SPAG16: variants seen among roughly 807,000 people sequenced by gnomAD.
The protein encoded by SPAG16 is sperm-associated antigen 16 protein.
Under a neutral mutation model 80.4 loss-of-function variants are expected in SPAG16, and 86 were observed. The ratio of observed to expected loss-of-function variants is 1.07; its 90% CI spans 0.90 to 1.28. The LOEUF is 1.28. SPAG16 is among the 50% of genes most tolerant of loss of function. The pLI is 0.00. For missense variants in SPAG16, 870 were observed against 765.3 expected (o/e 1.14, Z -1.61); for synonymous variants, 294 against 265.9 (o/e 1.11, Z -1.03).
intron 10 of SPAG16, among the ~76,000 whole-genome samples, chr2:213,834,362 G>A (rs2073964365): frequency 1.3e-5 from 2 of 152,176 alleles, no homozygotes; most frequent in African/African-American, 4.8e-5. Flanking sequence ...GGAAAATGGT[G>A]TGTTTTTATG....
chr2:214,118,196 A>G (rs2054036722), intron 14 of SPAG16, among the ~76,000 whole-genome samples: 1 of 152,208 alleles, frequency 6.6e-6, no homozygotes, highest in Admixed American at 6.5e-5. Context: ...TCTATATGCA[A>G]TAGCAAACTC....
At chr2:214,370,526 A>G (rs1052930410) in intron 15 of SPAG16, among the ~76,000 whole-genome samples, 4 of 152,198 alleles carry the variant, frequency 2.6e-5, no homozygotes, top group African/African-American at 9.6e-5. Flanking sequence ...TATTACCACA[A>G]TCAAATTAGT....
intron 12 of SPAG16, among the ~76,000 whole-genome samples, chr2:214,012,278 ATATATATATATT>A (rs1168630398): frequency 8.9e-5 from 4 of 45,086 alleles, no homozygotes; most frequent in Non-Finnish European, 1.6e-4. Flanking sequence ...ATATATATAT[ATATATATATATT>A]TTTTTTTTTT....
At chr2:213,657,109 T>C (rs1393540362) in intron 10 of SPAG16, among the ~76,000 whole-genome samples, 2 of 152,304 alleles carry the variant, frequency 1.3e-5, no homozygotes, top group South Asian at 2.1e-4. Context: ...TTTGCTGGTC[T>C]TTTCATTTTT....
chr2:213,474,497 A>ATT (rs748412203), intron 9 of SPAG16, among the ~76,000 whole-genome samples: 1 of 152,150 alleles, frequency 6.6e-6, no homozygotes, highest in Non-Finnish European at 1.5e-5. Context: ...GGTCAAAGGT[A>ATT]TTATATATAT....
chr2:214,186,884 C>A (rs916796692), intron 15 of SPAG16, among the ~76,000 whole-genome samples: 18 of 152,102 alleles, frequency 1.2e-4, no homozygotes, highest in Non-Finnish European at 2.4e-4. Context: ...CTCAGCCTCC[C>A]AAGTAGCTGG....
chr2:214,115,165 T>C (rs2053870574), intron 14 of SPAG16, among the ~76,000 whole-genome samples: 1 of 152,236 alleles, frequency 6.6e-6, no homozygotes, highest in Non-Finnish European at 1.5e-5. Flanking sequence ...TTAATTGTTT[T>C]AACAATTATG....
At position 213,346,150 on chromosome 2, in the gene SPAG16, ATG is replaced by A. The variant is rs534395816; in HGVS notation, c.645-4377_645-4376del. ...TTTATTCTCTTTGAAGCAATTGTGA[ATG>A]GGAGTTCACTCATGATTTGGCTCTC... On this transcript the variant is annotated intron_variant, in intron 6 of 15. Coordinates refer to ENST00000331683, the MANE Select transcript of SPAG16 (RefSeq NM_024532.5). 5.3e-5 allele frequency among the ~76,000 whole-genome samples: 8 copies of A among 152,224 alleles called. No homozygotes were observed. In the South Asian group the frequency reaches 1.7e-3, roughly 32 times the overall value.
At chr2:214,307,966 T>C (rs2125971252) in intron 15 of SPAG16, among the ~76,000 whole-genome samples, 1 of 152,316 alleles carries the variant, frequency 6.6e-6, no homozygotes, top group South Asian at 2.1e-4. Context: ...CTCAATTATC[T>C]GTCTAATATC....
At chr2:213,673,483 A>G (rs541552462) in intron 10 of SPAG16, among the ~76,000 whole-genome samples, 1 of 152,190 alleles carries the variant, frequency 6.6e-6, no homozygotes, top group Non-Finnish European at 1.5e-5. Context: ...GACTAGAAGC[A>G]ATCATGGCAC....
rs1361088104 is a variant in SPAG16 at position 213,767,196 on chromosome 2, T to C, written c.1071-95289T>C. On this transcript the variant is annotated intron_variant, in intron 10 of 15. Coordinates refer to ENST00000331683, the MANE Select transcript of SPAG16 (RefSeq NM_024532.5). ...TTGTTGGGCTTGTCTTTACCATCAA[T>C]GATTTAAGTTGTCTTAACACGCATT... 3.9e-5 allele frequency among the ~76,000 whole-genome samples: 6 copies of C among 152,354 alleles called. No individual in the cohort carries two copies. The East Asian group carries it at 9.6e-4, about 24-fold the overall frequency.
chr2:213,605,553 G>T (rs375899540), intron 10 of SPAG16, among the ~76,000 whole-genome samples: 1 of 151,960 alleles, frequency 6.6e-6, no homozygotes, highest in Non-Finnish European at 1.5e-5. Context: ...GCAATGGCCC[G>T]GTCTCGGCTC....
intron 15 of SPAG16, among the ~76,000 whole-genome samples, chr2:214,171,436 T>C (rs1274891595): frequency 6.6e-6 from 1 of 151,980 alleles, no homozygotes; most frequent in East Asian, 1.9e-4. Context: ...CTTGTACAGA[T>C]GCTAGCATAT....
At chr2:214,233,134 G>C (rs2125805936) in intron 15 of SPAG16, among the ~76,000 whole-genome samples, 1 of 152,060 alleles carries the variant, frequency 6.6e-6, no homozygotes, top group East Asian at 1.9e-4. Context: ...AAAAAAGGGG[G>C]GGCCATAAGT....
intron 10 of SPAG16, among the ~76,000 whole-genome samples, chr2:213,580,700 C>T (rs1470142060): frequency 6.6e-6 from 1 of 152,094 alleles, no homozygotes; most frequent in Non-Finnish European, 1.5e-5. Context: ...CTTAACTTGT[C>T]TCTTACTAAC....
chr2:213,341,859 C>T (rs1450308094), intron 6 of SPAG16, among the ~76,000 whole-genome samples: 1 of 152,044 alleles, frequency 6.6e-6, no homozygotes, highest in Non-Finnish European at 1.5e-5. Context: ...CCATTTAACA[C>T]AAGTATCTTA....
intron 10 of SPAG16, among the ~76,000 whole-genome samples, chr2:213,531,296 T>G (rs1385339574): frequency 6.6e-6 from 1 of 152,092 alleles, no homozygotes; most frequent in South Asian, 2.1e-4. Flanking sequence ...TAAAATCTAG[T>G]GCATAACCTA....
chr2:214,032,660 C>T (rs2048473087), intron 13 of SPAG16, among the ~76,000 whole-genome samples: 1 of 151,846 alleles, frequency 6.6e-6, no homozygotes, highest in South Asian at 2.1e-4. Context: ...AGGGAAATCA[C>T]ATGTTGTAAG....
At chr2:214,170,877 A>G (rs1417929449) in intron 15 of SPAG16, among the ~76,000 whole-genome samples, 1 of 152,064 alleles carries the variant, frequency 6.6e-6, no homozygotes, top group East Asian at 1.9e-4. Flanking sequence ...TATAACTCTA[A>G]CCATTTCTTC....
Sources: gnomAD v4.1 joint callset for allele counts (sites outside exome capture counted in the v4.1 genomes callset) on GRCh38, gnomAD v4.1.1 for gene constraint, MANE v1.5 for transcripts, NCBI Gene and HGNC (gene_info 2026-07-23, HGNC 2026-07-21) for gene names.